VPS54: variants seen among roughly 807,000 people sequenced by gnomAD.
VPS54 encodes the protein vacuolar protein sorting-associated protein 54.
Under a neutral mutation model 121.5 loss-of-function variants are expected in VPS54, and 45 were observed. The observed-to-expected ratio is 0.37, with a 90% CI of 0.29 to 0.47. The LOEUF is 0.47. VPS54 is among the 20% of genes least tolerant of loss of function. The pLI is 0.99. For synonymous variants in VPS54, 371 were observed against 385.8 expected (o/e 0.96, Z 0.45); for missense variants, 1,090 against 1,131.4 (o/e 0.96, Z 0.52).
chr2:63,949,883 T>C (rs531855521), intron 7 of VPS54, among the ~76,000 whole-genome samples: 4 of 152,334 alleles, frequency 2.6e-5, no homozygotes, highest in African/African-American at 7.2e-5. Context: ...GAAGAGTCCA[T>C]GTCATAAAAG....
chr2:63,996,645 TTAA>T (rs1479604465), intron 1 of VPS54, among the ~76,000 whole-genome samples: 8 of 152,254 alleles, frequency 5.3e-5, no homozygotes, highest in African/African-American at 1.7e-4. Flanking sequence ...GTAAGGAATA[TTAA>T]TAATTAACAG....
intron 7 of VPS54, among the ~76,000 whole-genome samples, chr2:63,956,503 CCA>C (rs1364384289): frequency 6.6e-6 from 1 of 152,146 alleles, no homozygotes; most frequent in Non-Finnish European, 1.5e-5. Context: ...GCTCAATTGC[CCA>C]CAGTTTGTAC....
At chr2:64,010,429 A>C (rs891678533) in intron 1 of VPS54, among the ~76,000 whole-genome samples, 2 of 152,238 alleles carry the variant, frequency 1.3e-5, no homozygotes, top group Admixed American at 6.5e-5. Flanking sequence ...TCAGTTTGAC[A>C]GAACTCAGGA....
intron 1 of VPS54, among the ~76,000 whole-genome samples, chr2:64,017,664 A>C (rs962441417): frequency 2.6e-5 from 4 of 152,254 alleles, no homozygotes; most frequent in African/African-American, 9.6e-5. Flanking sequence ...CTTTATTTTA[A>C]AAACCCATTA....
rs1321454716 is a variant in VPS54, at chr2:64,019,113, A to C, written c.-196T>G. On this transcript the variant is annotated 5_prime_UTR_variant, in exon 1 of 23. Coordinates refer to ENST00000272322, the MANE Select transcript of VPS54 (RefSeq NM_016516.3). ...CCGCTGGCCAGTCGGCCCGGGGAGC[A>C]CAGGGCCGCCCTCTCGAGCCCAGCT... 5 of 150,750 alleles carry C rather than the reference A, an allele frequency of 3.3e-5. No homozygotes were observed. The highest frequency in any genetic ancestry group is 3.8e-4 in the South Asian group (2 of 5,240). The allele number at this position is 150,750 out of a possible 1,614,324, so 9.3% of individuals were successfully genotyped here.
At chr2:63,974,245 T>C (rs1676416084) in intron 3 of VPS54, among the ~76,000 whole-genome samples, 1 of 152,220 alleles carries the variant, frequency 6.6e-6, no homozygotes, top group Non-Finnish European at 1.5e-5. Context: ...GCCCCTTTGT[T>C]AAAAATCAGT....
At chr2:63,914,863 G>A (rs918639028) in intron 16 of VPS54, among the ~76,000 whole-genome samples, 4 of 152,016 alleles carry the variant, frequency 2.6e-5, no homozygotes, top group African/African-American at 9.7e-5. Flanking sequence ...GCTGGGCGCG[G>A]TGGCTCACAC....
intron 9 of VPS54, among the ~76,000 whole-genome samples, chr2:63,947,078 A>T (rs886492219): frequency 2.0e-5 from 3 of 151,956 alleles, no homozygotes; most frequent in Non-Finnish European, 4.4e-5. Context: ...ATCATTAAAA[A>T]TGATGTTTCT....
chr2:63,905,808 A>G (rs928679332), intron 20 of VPS54, among the ~76,000 whole-genome samples: 1 of 152,200 alleles, frequency 6.6e-6, no homozygotes, highest in African/African-American at 2.4e-5. Context: ...GGTTTATCCT[A>G]TGAATGCAAG....
At chr2:63,909,190 T>A (rs1293200145) in intron 20 of VPS54, among the ~76,000 whole-genome samples, 1 of 152,176 alleles carries the variant, frequency 6.6e-6, no homozygotes, top group Non-Finnish European at 1.5e-5. Context: ...CCTGTCATAG[T>A]TATTGATGTA....
chr2:63,966,538 C>A (rs1676011521), intron 5 of VPS54, among the ~76,000 whole-genome samples: 1 of 152,176 alleles, frequency 6.6e-6, no homozygotes, highest in Admixed American at 6.5e-5. Context: ...TTTCCTGTAT[C>A]TCCACAGCAT....
chr2:63,954,293 T>C (rs1559018511), intron 7 of VPS54, among the ~76,000 whole-genome samples: 1 of 152,136 alleles, frequency 6.6e-6, no homozygotes, highest in African/African-American at 2.4e-5. Context: ...CTACAAATGA[T>C]AATTCAATTT....
At chr2:63,912,303 A>G in intron 20 of VPS54, 42 bp downstream of exon 20, 1 of 1,478,542 alleles carries the variant, frequency 6.8e-7, no homozygotes, top group Non-Finnish European at 9.3e-7. Flanking sequence ...AGAAAATCAT[A>G]ATGTCTTTGA....
chr2:63,980,374 G>C (rs116507524), intron 3 of VPS54, among the ~76,000 whole-genome samples: 2,084 of 151,980 alleles, frequency 0.014, 58 homozygotes, highest in African/African-American at 0.048. Context: ...ATATACTTGG[G>C]TCATCAGATC....
intron 3 of VPS54, among the ~76,000 whole-genome samples, chr2:63,975,933 A>G (rs1340576910): frequency 6.6e-6 from 1 of 152,294 alleles, no homozygotes; most frequent in East Asian, 1.9e-4. Flanking sequence ...TTTAGTAGAG[A>G]TGAGTTTCAC....
intron 14 of VPS54, 116 bp from the exon 15 acceptor site, chr2:63,920,111 A>G (rs1390150683): frequency 9.2e-6 from 7 of 760,106 alleles, no homozygotes; most frequent in East Asian, 5.7e-5. Context: ...AAAGTGCTGA[A>G]CACTTTAATA....
At position 63,912,618 on chromosome 2, in the gene VPS54, A is replaced by G. The variant is rs1290162242; in HGVS notation, c.2466T>C (p.Pro822=). 2 of 1,594,354 alleles carry G rather than the reference A, an allele frequency of 1.3e-6. No individual in the cohort carries two copies. Among genetic ancestry groups the G allele is most frequent in the Non-Finnish European group, 1.7e-6 (2 of 1,175,538 alleles). ...GAGCTTCAAAATGAGCCCGGATCAC[A>G]GGAATGTAGTGCACAATTAACTGCA... ...RCLQLIVHYI[P]VIRAHFEARL... is the part of the protein sequence containing the mutation. Residue 822 remains proline (P), a synonymous_variant, in exon 19 of 23, where the codon CCT becomes CCC. Transcript: ENST00000272322.
chr2:63,974,417 T>C (rs1420226962), intron 3 of VPS54, among the ~76,000 whole-genome samples: 1 of 152,224 alleles, frequency 6.6e-6, no homozygotes, highest in Non-Finnish European at 1.5e-5. Context: ...TAATACTGTG[T>C]TAGCTATTCT....
rs145404316 is a variant in VPS54 at position 63,957,950 on chromosome 2, G to T, written c.1010+4108C>A. Reference sequence around the variant, plus strand: ...GCACACTTTTTTAAAAGCTCTTCTGGAGATTTTATTATGCAGCCAGGATTA... The same window carrying T: ...GCACACTTTTTTAAAAGCTCTTCTGTAGATTTTATTATGCAGCCAGGATTA... On this transcript the variant is annotated intron_variant, in intron 7 of 22. Coordinates refer to ENST00000272322, the MANE Select transcript of VPS54 (RefSeq NM_016516.3). 1.2e-3 allele frequency among the ~76,000 whole-genome samples: 175 copies of T among 152,154 alleles called. 4 individuals are homozygous for T. In the East Asian group the frequency reaches 0.031, roughly 27 times the overall value.
Sources: gnomAD v4.1 joint callset for allele counts (sites outside exome capture counted in the v4.1 genomes callset) on GRCh38, gnomAD v4.1.1 for gene constraint, MANE v1.5 for transcripts, NCBI Gene and HGNC (gene_info 2026-07-23, HGNC 2026-07-21) for gene names.